The following PDE4A variants were observed in gnomAD, a reference collection of about 807,000 sequenced individuals.
PDE4A encodes phosphodiesterase 4A, also known as 3',5'-cyclic-AMP phosphodiesterase 4A.
PDE4A carries 21 observed loss-of-function variants against 73.9 expected under a neutral mutation model. The ratio of observed to expected loss-of-function variants is 0.28; its 90% confidence interval spans 0.20 to 0.41. PDE4A has a LOEUF of 0.41. PDE4A is among the 10% of genes least tolerant of loss of function. PDE4A has a pLI of 1.00. For missense variants in PDE4A, 958 were observed against 1,211.4 expected, an observed-to-expected ratio of 0.79 and a Z score of 3.10; for synonymous variants, 463 against 505.4, an observed-to-expected ratio of 0.92 and a Z score of 1.13.
At chr19:10,462,713 C>T (rs2043294139) in intron 13 of PDE4A, among the ~76,000 whole-genome samples, 1 of 152,092 alleles carries the variant, frequency 6.6e-6, no homozygotes, top group Non-Finnish European at 1.5e-5. Flanking sequence ...CCCCCAATTC[C>T]TCCTTTCTTC....
chr19:10,417,581 A>T (rs1291323089), upstream of PDE4A: 5 of 1,494,780 alleles, frequency 3.3e-6, no homozygotes, highest in Non-Finnish European at 4.5e-6. Context: ...TTAGACAGCT[A>T]GGTAGGGGTG....
chr19:10,416,788 G>GAGGCAAT, upstream of PDE4A: 1 of 1,512,470 alleles, frequency 6.6e-7, no homozygotes, highest in Non-Finnish European at 8.8e-7. Context: ...CGCCCCAGGA[G>GAGGCAAT]AGGCAATAGG....
chr19:10,450,615 G>A lies in PDE4A; in HGVS notation c.633G>A (p.Leu211=). 1.2e-6 allele frequency: 2 copies of A among 1,609,412 alleles called. No homozygotes were observed. Among genetic ancestry groups the A allele is most frequent in the East Asian group, 2.2e-5 (1 of 44,810 alleles). ...VPVPSNKRSP[L]GGPTPVCKAT... ...TTTTTTTCTGCAGGCGGTCCCCGCT[G>A]GGCGGCCCCACCCCTGTCTGCAAGG... Residue 211 remains leucine (L), a synonymous_variant, in exon 5 of 15, where the codon CTG becomes CTA. Transcript: ENST00000380702.
At chr19:10,423,718 AG>A (rs952881586) in intron 1 of PDE4A, among the ~76,000 whole-genome samples, 2 of 152,128 alleles carry the variant, frequency 1.3e-5, no homozygotes, top group African/African-American at 4.8e-5. Flanking sequence ...TGGACTAAGG[AG>A]GGGGGACCTG....
In PDE4A at chr19:10,429,256, A is replaced by G. The variant is rs937828288; in HGVS notation, c.320+8172A>G. Reference sequence around the variant, plus strand: ...AAGAGAGGGACGGAGGGGAAAGGAAAGGAAAGGAAAGAAGGAAGGAAGGAA... The same window carrying G: ...AAGAGAGGGACGGAGGGGAAAGGAAGGGAAAGGAAAGAAGGAAGGAAGGAA... On this transcript the variant is annotated intron_variant, in intron 1 of 14. Coordinates refer to ENST00000380702, the MANE Select transcript of PDE4A (RefSeq NM_001111307.2). 2.0e-5 allele frequency among the ~76,000 whole-genome samples: 3 copies of G among 149,904 alleles called. No homozygotes were observed. In the East Asian group the frequency reaches 5.9e-4, roughly 29 times the overall value.
At chr19:10,443,401 TG>T (rs201838873) in intron 1 of PDE4A, among the ~76,000 whole-genome samples, 3,018 of 151,984 alleles carry the variant, frequency 0.02, 110 homozygotes, top group African/African-American at 0.069. Flanking sequence ...AAAATTTATC[TG>T]GGGGTGGTGG....
intron 2 of PDE4A, among the ~76,000 whole-genome samples, chr19:10,448,064 T>G (rs1176100865): frequency 2.6e-5 from 4 of 151,886 alleles, no homozygotes; most frequent in Admixed American, 2.6e-4. Flanking sequence ...GAGACCAGCC[T>G]GGCCAACATA....
Position 10,454,857 on chromosome 19 carries a change from C to T in PDE4A, c.812C>T (p.Thr271Ile). Residue 271 changes from threonine to isoleucine, a missense_variant, in exon 7 of 15, where the codon ACA becomes ATA. Coordinates refer to ENST00000380702, the MANE Select transcript of PDE4A (RefSeq NM_001111307.2). ...AAAAGGATGTTGAACCGTGAGCTCA[C>T]ACACCTGTCAGAAATGAGCAGGTCC... ...KFKRMLNREL[T>I]HLSEMSRSGN... 6.2e-7 allele frequency: 1 copy of T among 1,614,168 alleles called. No homozygotes were observed. The highest frequency in any genetic ancestry group is 8.5e-7 in the Non-Finnish European group (1 of 1,180,016).
chr19:10,453,250 G>T lies in PDE4A; in HGVS notation c.784-1579G>T, dbSNP rs200836096. ...CTCTGTGTGCAGCAGCCCCAGGCGG[G>T]CTAAGTCTCCAAGATGCCCTTGGTG... On this transcript the variant is annotated intron_variant, in intron 6 of 14. Transcript: ENST00000380702. This position sits in a 1 kb window ranked among gnomAD's most constrained non-coding sequence, Gnocchi z 4.6. The T allele has an allele frequency of 6.2e-7, 1 of 1,610,160 alleles. No individual in the cohort carries two copies. Among genetic ancestry groups the T allele is most frequent in the Non-Finnish European group, 8.5e-7 (1 of 1,178,306 alleles).
intron 2 of PDE4A, 145 bp downstream of exon 2, chr19:10,446,554 C>A: frequency 1.1e-6 from 1 of 870,660 alleles, no homozygotes; most frequent in Non-Finnish European, 1.7e-6. Flanking sequence ...TAAGCAGCAC[C>A]CTGCCCCTCC....
chr19:10,461,767 A>G (rs531163095), intron 12 of PDE4A, 87 bp downstream of exon 12: 2 of 1,585,564 alleles, frequency 1.3e-6, no homozygotes, highest in Admixed American at 3.4e-5. Context: ...TCCCAGAGGA[A>G]CCCTCAACCT....
At chr19:10,461,271 C>T (rs1212052522) in intron 11 of PDE4A, among the ~76,000 whole-genome samples, 168 bp downstream of exon 11, 1 of 78,146 alleles carries the variant, frequency 1.3e-5, no homozygotes, top group African/African-American at 5.0e-5. Context: ...GCGGGGCTGG[C>T]TGGGCTGGAA....
rs1469281256 is a variant in PDE4A, at chr19:10,424,718, CAGCCCCTG to C, written c.320+3635_320+3642del. ...GGACCAGGCCGCTTTCCCCATGCGC[CAGCCCCTG>C]CCACACGCTGCGGGGACTGTCGTCT... On this transcript the variant is annotated intron_variant, in intron 1 of 14. Coordinates refer to ENST00000380702, the MANE Select transcript of PDE4A (RefSeq NM_001111307.2). This position sits in a 1 kb window ranked among gnomAD's most constrained non-coding sequence, Gnocchi z 4.8. 4.6e-5 allele frequency among the ~76,000 whole-genome samples: 7 copies of C among 152,270 alleles called. No individual in the cohort carries two copies. The highest frequency in any genetic ancestry group is 7.3e-5 in the Non-Finnish European group (5 of 68,052).
rs570882418 is a variant in PDE4A at position 10,449,423 on chromosome 19, G to A, written c.620+273G>A. On this transcript the variant is annotated intron_variant, in intron 4 of 14. Transcript: ENST00000380702. ...CACACAGGCTGGAGTGCAGTAGTGC[G>A]ATCTTGGCTCACTGCAACCTCTGCC... 3.9e-5 allele frequency among the ~76,000 whole-genome samples: 6 copies of A among 152,110 alleles called. 1 individual carries two copies. The South Asian group carries it at 6.2e-4, about 16-fold the overall frequency.
chr19:10,456,532 A>AAAATAAAT (rs1346626011), intron 7 of PDE4A, among the ~76,000 whole-genome samples: 2 of 148,954 alleles, frequency 1.3e-5, no homozygotes, highest in Admixed American at 6.7e-5. Flanking sequence ...TCTCAAAAAA[A>AAAATAAAT]AAATAAATAA....
chr19:10,442,472 CGA>C (rs1368937365), intron 1 of PDE4A, among the ~76,000 whole-genome samples: 2 of 152,004 alleles, frequency 1.3e-5, no homozygotes, highest in Non-Finnish European at 2.9e-5. Flanking sequence ...TGCAGTGAAC[CGA>C]GATCGCGCCA....
chr19:10,454,567 A>T (rs1289339592), intron 6 of PDE4A, among the ~76,000 whole-genome samples: 1 of 151,736 alleles, frequency 6.6e-6, no homozygotes, highest in Non-Finnish European at 1.5e-5. Context: ...TCCTTGGGGG[A>T]GATGAGGAGG....
rs1329556355 is a variant in PDE4A at position 10,432,178 on chromosome 19, G to GC, written c.320+11094_320+11095insC. 4.0e-4 allele frequency among the ~76,000 whole-genome samples: 32 copies of GC among 79,104 alleles called. 1 individual carries two copies. Among genetic ancestry groups the GC allele is most frequent in the Non-Finnish European group, 1.3e-4 (6 of 44,878 alleles). 51.9% of individuals were successfully genotyped at this position (79,104 alleles called of 152,430 possible). Reference sequence around the variant, plus strand: ...CCAGAGGCCTAGGAGGGAGGAGACGGGGGGGGGGGGGGGAAGTGTGCGTCC... The same window carrying GC: ...CCAGAGGCCTAGGAGGGAGGAGACGGCGGGGGGGGGGGGGAAGTGTGCGTCC... On this transcript the variant is annotated intron_variant, in intron 1 of 14. Coordinates refer to ENST00000380702, the MANE Select transcript of PDE4A (RefSeq NM_001111307.2).
In PDE4A at chr19:10,458,069, G is replaced by T. The variant is rs1481491342; in HGVS notation, c.1068G>T (p.Gly356=). The change falls in exon 8 of 15, where the codon GGG becomes GGT. Residue 356 remains glycine (G), a synonymous_variant. Coordinates refer to ENST00000380702, the MANE Select transcript of PDE4A (RefSeq NM_001111307.2). This position sits in a 1 kb window ranked among gnomAD's most constrained non-coding sequence, Gnocchi z 4.6. ...ACAACTCTAACATTCCCCGATTTGG[G>T]GTGAAGACCGATCAAGAAGAGCTCC... ...SLNNSNIPRF[G]VKTDQEELLA... is the part of the protein sequence containing the mutation. 11 of 1,613,692 alleles carry T rather than the reference G, an allele frequency of 6.8e-6. No individual in the cohort carries two copies. The highest frequency in any genetic ancestry group is 9.3e-6 in the Non-Finnish European group (11 of 1,180,040).
Sources: gnomAD v4.1 joint callset for allele counts (sites outside exome capture counted in the v4.1 genomes callset) on GRCh38, gnomAD v4.1.1 for gene constraint, Gnocchi (gnomAD v3.1) non-coding constraint, MANE v1.5 for transcripts, NCBI Gene and HGNC (gene_info 2026-07-23, HGNC 2026-07-21) for gene names.